The following FOLH1 variants were observed in gnomAD, a reference collection of about 807,000 sequenced individuals.
The protein encoded by FOLH1 is folate hydrolase 1.
FOLH1 carries 54 observed loss-of-function variants against 93.9 expected under a neutral mutation model. The observed-to-expected ratio is 0.57, with a 90% CI of 0.46 to 0.72. The LOEUF is 0.72. Among genes scored for constraint, FOLH1 ranks in the 30% least tolerant of loss-of-function variants. FOLH1 has a pLI of 0.00. For synonymous variants in FOLH1, 249 were observed against 303.6 expected, an observed-to-expected ratio of 0.82 and a Z score of 1.87; for missense variants, 571 against 892.5, an observed-to-expected ratio of 0.64 and a Z score of 4.59.
At chr11:49,196,429 C>A in intron 3 of FOLH1, among the ~76,000 whole-genome samples, 1 of 152,038 alleles carries the variant, frequency 6.6e-6, no homozygotes, top group Middle Eastern at 3.2e-3. Flanking sequence ...ATAAAACCTA[C>A]TTCAGAAAAT....
intron 12 of FOLH1, among the ~76,000 whole-genome samples, chr11:49,167,004 C>T (rs548340187): frequency 2.5e-4 from 38 of 150,850 alleles, no homozygotes; most frequent in Non-Finnish European, 4.3e-4. Flanking sequence ...GACAATACTA[C>T]AAGATCTCAT....
rs1183657194 is a variant in FOLH1 at position 49,200,313 on chromosome 11, G to T, written c.353C>A (p.Ser118Tyr). The change falls in exon 3 of 19, where the codon TCC becomes TAC. Residue 118 changes from serine (S) to tyrosine (Y), a missense_variant. By Grantham distance (144) the Ser-to-Tyr change is moderately radical. This residue lies in a region of FOLH1 where 500 missense variants were observed against 822.9 expected (regional missense o/e 0.61). Transcript: ENST00000256999. ...VELAHYDVLLSYPNKTHPNYI... is the reference protein window; with the variant it reads ...VELAHYDVLLYYPNKTHPNYI... ...GTTGGGATGAGTCTTATTTGGGTAG[G>T]ACAACAGGACATCATAATGTGCTAG... is the stretch of plus-strand genomic sequence containing the variant. 1 of 1,611,600 alleles carries T rather than the reference G, an allele frequency of 6.2e-7. No homozygotes were observed. Among genetic ancestry groups the T allele is most frequent in the South Asian group, 1.1e-5 (1 of 90,760 alleles).
chr11:49,159,975 T>C (rs370984195), intron 13 of FOLH1, among the ~76,000 whole-genome samples: 2 of 151,928 alleles, frequency 1.3e-5, no homozygotes, highest in African/African-American at 4.8e-5. Flanking sequence ...TGAGCTAGAG[T>C]GCAATTGCGC....
rs1387969376 is a variant in FOLH1 at position 49,183,230 on chromosome 11, C to T, written c.839G>A (p.Arg280Lys). 4.3e-6 allele frequency: 7 copies of T among 1,609,974 alleles called. No individual in the cohort carries two copies. The highest frequency in any genetic ancestry group is 1.3e-5 in the African/African-American group (1 of 74,664). ...ACCAACAGCCTCTGCAATTCCACGC[C>T]TATAAGCATATTCTGAAAAAAAAAA... ...PGYPANEYAY[R>K]RGIAEAVGLP... is the part of the protein sequence containing the mutation. Residue 280 changes from arginine (R) to lysine (K), a missense_variant, in exon 7 of 19, where the codon AGG becomes AAG. Physicochemically the swap from Arg to Lys is conservative, Grantham distance 26 (BLOSUM62 2). This residue lies in a region of FOLH1 where 500 missense variants were observed against 822.9 expected (regional missense o/e 0.61). Transcript: ENST00000256999.
chr11:49,161,274 G>C (rs554348200), intron 13 of FOLH1, among the ~76,000 whole-genome samples: 1 of 152,160 alleles, frequency 6.6e-6, no homozygotes, highest in Non-Finnish European at 1.5e-5. Flanking sequence ...CTCTTTGAAG[G>C]TCTCTAAGAA....
At chr11:49,193,964 C>G (rs1049071515) in intron 3 of FOLH1, among the ~76,000 whole-genome samples, 2 of 151,874 alleles carry the variant, frequency 1.3e-5, no homozygotes, top group African/African-American at 4.8e-5. Context: ...TTGAGACCAG[C>G]CTGACCAACA....
intron 18 of FOLH1, among the ~76,000 whole-genome samples, chr11:49,147,180 A>G (rs1483250054): frequency 1.3e-5 from 2 of 152,180 alleles, no homozygotes; most frequent in Admixed American, 1.3e-4. Flanking sequence ...CAAAACTAAC[A>G]ATGATGATAG....
intron 7 of FOLH1, 82 bp from the exon 8 acceptor site, chr11:49,176,039 A>G: frequency 1.6e-6 from 2 of 1,228,688 alleles, no homozygotes; most frequent in Non-Finnish European, 2.4e-6. Flanking sequence ...CACTTTATTG[A>G]GCATCTGCTC....
intron 12 of FOLH1, among the ~76,000 whole-genome samples, chr11:49,166,746 G>A (rs1249696409): frequency 6.6e-6 from 1 of 152,160 alleles, no homozygotes; most frequent in African/African-American, 2.4e-5. Context: ...CAAGTGAGAT[G>A]AATGGTGTCC....
chr11:49,182,150 G>A (rs145050092), intron 7 of FOLH1, among the ~76,000 whole-genome samples: 5,097 of 151,882 alleles, frequency 0.034, 121 homozygotes, highest in Non-Finnish European at 0.051. Context: ...TCAGCATGGT[G>A]AAACCCCATC....
At chr11:49,147,688 C>T (rs1208029926) in intron 18 of FOLH1, among the ~76,000 whole-genome samples, 1 of 151,978 alleles carries the variant, frequency 6.6e-6, no homozygotes, top group Non-Finnish European at 1.5e-5. Context: ...ATTAGGGAGG[C>T]CAAGGTGGGA....
intron 3 of FOLH1, among the ~76,000 whole-genome samples, chr11:49,196,018 G>A (rs1862580697): frequency 6.6e-6 from 1 of 152,124 alleles, no homozygotes; most frequent in Non-Finnish European, 1.5e-5. Flanking sequence ...GCCGGGTGCG[G>A]TGGCTCATGC....
chr11:49,199,456 A>G (rs1372882855), intron 3 of FOLH1, among the ~76,000 whole-genome samples: 1 of 152,128 alleles, frequency 6.6e-6, no homozygotes, highest in Non-Finnish European at 1.5e-5. Flanking sequence ...TCCTCTCCAA[A>G]TGTCCACACA....
chr11:49,197,352 T>A (rs2135289297), intron 3 of FOLH1, among the ~76,000 whole-genome samples: 1 of 152,348 alleles, frequency 6.6e-6, no homozygotes, highest in Middle Eastern at 3.4e-3. Context: ...TTATCAAAGT[T>A]AGATTAAATT....
rs772754922 is a variant in FOLH1 at position 49,204,497 on chromosome 11, G to A, written c.224+1570C>T. Among the ~76,000 whole-genome samples, 94 of 152,114 alleles carry A rather than the reference G, an allele frequency of 6.2e-4. 1 individual carries two copies. Among genetic ancestry groups the A allele is most frequent in the Non-Finnish European group, 1.8e-4 (12 of 68,018 alleles). On this transcript the variant is annotated intron_variant, in intron 2 of 18. Transcript: ENST00000256999. ...AAAGCTGGAACAGCAGCTCTGTCAAGGAGTAAAGACCATACCTTGCCAGAC... is the reference window on the plus strand; with the variant it reads ...AAAGCTGGAACAGCAGCTCTGTCAAAGAGTAAAGACCATACCTTGCCAGAC...
chr11:49,205,988 T>C, intron 2 of FOLH1, 79 bp downstream of exon 2: 1 of 1,350,948 alleles, frequency 7.4e-7, no homozygotes, highest in Non-Finnish European at 1.0e-6. Flanking sequence ...CCAGTTCCTA[T>C]ATATAAAATA....
At chr11:49,164,407 C>T (rs1410480695) in intron 13 of FOLH1, among the ~76,000 whole-genome samples, 4 of 152,068 alleles carry the variant, frequency 2.6e-5, no homozygotes, top group East Asian at 3.9e-4. Flanking sequence ...GTTCGGCTAC[C>T]GTACAAGTTG....
At chr11:49,205,036 C>A (rs1234439729) in intron 2 of FOLH1, among the ~76,000 whole-genome samples, 3 of 151,982 alleles carry the variant, frequency 2.0e-5, no homozygotes, top group Non-Finnish European at 2.9e-5. Flanking sequence ...CATGGAGAAA[C>A]CCTGTCTCTA....
rs186975068 is a variant in FOLH1 at position 49,146,678 on chromosome 11, A to G, written c.*78T>C. On this transcript the variant is annotated 3_prime_UTR_variant, in exon 19 of 19. Transcript: ENST00000256999. ...TTATTTCAAATATACCAATTTTAAA[A>G]TTTATCAATATACCCATTACGATTC... The G allele has an allele frequency of 6.7e-5, 92 of 1,368,816 alleles. No individual in the cohort carries two copies. In the Admixed American group the frequency reaches 2.4e-3, roughly 35 times the overall value. The allele number at this position is 1,368,816 out of a possible 1,614,324, so 84.8% of individuals were successfully genotyped here.
Sources: allele counts gnomAD v4.1 joint callset (sites outside exome capture counted in the v4.1 genomes callset), GRCh38; gene constraint gnomAD v4.1.1; regional missense constraint gnomAD v4.1.1; transcripts MANE v1.5; gene names NCBI Gene and HGNC (gene_info 2026-07-23, HGNC 2026-07-21).